IL13RA1: variants seen among roughly 807,000 people sequenced by gnomAD.
The protein encoded by IL13RA1 is interleukin 13 receptor subunit alpha 1, also known as interleukin-13 receptor subunit alpha-1.
Under a neutral mutation model 33.8 loss-of-function variants are expected in IL13RA1, and 14 were observed. That is an observed-to-expected ratio of 0.41 (90% CI 0.27 to 0.65). IL13RA1 has a LOEUF of 0.65. Ranked by LOEUF, IL13RA1 falls within the 30% of genes least tolerant of loss-of-function variation. IL13RA1 has a pLI of 0.28. For synonymous variants in IL13RA1, 116 were observed against 115.7 expected (o/e 1.00, Z -0.02); for missense variants, 313 against 327.0 (o/e 0.96, Z 0.33).
Position 118,741,051 on chromosome X carries a change from T to C in IL13RA1, c.123T>C (p.Ser41=), listed in dbSNP as rs1263069977. Residue 41 remains serine (S), a synonymous_variant, in exon 2 of 11, where the codon TCT becomes TCC. Coordinates refer to ENST00000371666, the MANE Select transcript of IL13RA1 (RefSeq NM_001560.3). ...CACCTGTGACAAATTTGAGTGTCTC[T>C]GTTGAAAACCTCTGCACAGTAATAT... ...TQPPVTNLSV[S]VENLCTVIWT... is the part of the protein sequence containing the mutation. 1 of 1,112,951 alleles carries C rather than the reference T, an allele frequency of 9.0e-7. No individual in the cohort carries two copies. Among genetic ancestry groups the C allele is most frequent in the East Asian group, 3.0e-5 (1 of 33,446 alleles). 91.7% of individuals were successfully genotyped at this position (1,112,951 alleles called of 1,213,427 possible).
intron 10 of IL13RA1, among the ~76,000 whole-genome samples, chrX:118,785,607 A>G (rs1472690901): frequency 3.6e-5 from 4 of 111,393 alleles, no homozygotes; most frequent in African/African-American, 1.3e-4. Context: ...GTCTCACTCC[A>G]TCGCCCAGGC....
chrX:118,763,723 AGGTT>A (rs1218531751), intron 6 of IL13RA1, among the ~76,000 whole-genome samples: 146 of 112,259 alleles, frequency 1.3e-3, no homozygotes, highest in African/African-American at 4.5e-3. Context: ...AACACTTCAA[AGGTT>A]GGTTGGTCTC....
intron 10 of IL13RA1, among the ~76,000 whole-genome samples, chrX:118,785,478 T>G (rs1247877897): frequency 1.8e-5 from 2 of 112,231 alleles, no homozygotes; most frequent in Non-Finnish European, 3.8e-5. Context: ...TTTAATCTAT[T>G]TAAGATCTTA....
chrX:118,783,097 T>A (rs1340817959), intron 10 of IL13RA1, among the ~76,000 whole-genome samples: 2 of 112,136 alleles, frequency 1.8e-5, no homozygotes, highest in Non-Finnish European at 3.8e-5. Context: ...GACAATCCAC[T>A]CTGGAAAATA....
intron 10 of IL13RA1, among the ~76,000 whole-genome samples, chrX:118,784,544 A>G (rs751857207): frequency 3.1e-4 from 35 of 111,491 alleles, no homozygotes; most frequent in Non-Finnish European, 4.5e-4. Context: ...ATAGTTGTTG[A>G]ACATCTCCAT....
At chrX:118,765,757 A>G (rs1182154342) in intron 6 of IL13RA1, among the ~76,000 whole-genome samples, 1 of 112,556 alleles carries the variant, frequency 8.9e-6, no homozygotes, top group African/African-American at 3.2e-5. Context: ...AGTTTACACT[A>G]CTAAGCAGAA....
chrX:118,774,055 A>AT, intron 9 of IL13RA1, 80 bp downstream of exon 9: 1 of 524,933 alleles, frequency 1.9e-6, no homozygotes, highest in Non-Finnish European at 3.4e-6. Flanking sequence ...CTTGTGTTTT[A>AT]TGTCTGCCCA....
chrX:118,798,504 G>T (rs1341035090), downstream of IL13RA1, among the ~76,000 whole-genome samples: 4 of 111,228 alleles, frequency 3.6e-5, no homozygotes, highest in Non-Finnish European at 7.5e-5. Flanking sequence ...ATGAATTTTT[G>T]GGGGGAGACA....
chrX:118,755,828 T>C (rs1358420585), intron 4 of IL13RA1, among the ~76,000 whole-genome samples: 2 of 112,104 alleles, frequency 1.8e-5, no homozygotes, highest in African/African-American at 6.5e-5. Flanking sequence ...TCCAGGACAG[T>C]CTGATCCAAA....
chrX:118,803,624 A>G, the IL13RA1 span, among the ~76,000 whole-genome samples: 1 of 112,024 alleles, frequency 8.9e-6, no homozygotes, highest in East Asian at 2.8e-4. Context: ...TGCTTGAATC[A>G]GGATCCAATA....
At chrX:118,801,975 C>T in the IL13RA1 span, among the ~76,000 whole-genome samples, 1 of 110,760 alleles carries the variant, frequency 9.0e-6, no homozygotes, top group African/African-American at 3.3e-5. Context: ...TTTCTTTTTT[C>T]CACTCTCCCC....
rs543534840 is a variant in IL13RA1 at position 118,763,869 on chromosome X, A to G, written c.828+2580A>G. Reference sequence around the variant, plus strand: ...CTGAACTGAAGAGAACACATACACTATGGAAGTTATCTACCTAAATCAGAA... The same window carrying G: ...CTGAACTGAAGAGAACACATACACTGTGGAAGTTATCTACCTAAATCAGAA... On this transcript the variant is annotated intron_variant, in intron 6 of 10. Transcript: ENST00000371666. 1.9e-4 allele frequency among the ~76,000 whole-genome samples: 21 copies of G among 110,161 alleles called. No homozygotes were observed. The South Asian group carries it at 8.2e-3, about 43-fold the overall frequency.
intron 10 of IL13RA1, among the ~76,000 whole-genome samples, chrX:118,783,347 G>A (rs766777252): frequency 4.6e-4 from 52 of 111,867 alleles, no homozygotes; most frequent in Admixed American, 7.6e-4. Context: ...TGGCAGTAAG[G>A]ATTGAATTTT....
Position 118,749,765 on chromosome X carries a change from ACT to A in IL13RA1, c.480_481del (p.Tyr161LeufsTer13). On this transcript the variant is annotated frameshift_variant, in exon 4 of 11. Coordinates refer to ENST00000371666, the MANE Select transcript of IL13RA1 (RefSeq NM_001560.3). LOFTEE classifies it high-confidence loss of function. ...GAATACCAGTCCCGACACTAACTATACTCTCTACTATTGGTGAGTATGTACAG... is the reference window on the plus strand; with the variant it reads ...GAATACCAGTCCCGACACTAACTATACTCTACTATTGGTGAGTATGTACAG... Reference protein sequence around the residue: ...GRNTSPDTNYTLYYWHRSLEK... With the variant: ...GRNTSPDTNYXLYYWHRSLEK... 8.6e-7 allele frequency: 1 copy of A among 1,162,064 alleles called. No homozygotes were observed. Among genetic ancestry groups the A allele is most frequent in the Non-Finnish European group, 1.2e-6 (1 of 851,212 alleles).
At chrX:118,730,017 A>G (rs750526879) in intron 1 of IL13RA1, among the ~76,000 whole-genome samples, 6 of 112,604 alleles carry the variant, frequency 5.3e-5, no homozygotes, top group Non-Finnish European at 7.5e-5. Context: ...TAATGATACT[A>G]TATTAGGCCG....
At chrX:118,768,754 A>G (rs1341423741) in intron 8 of IL13RA1, among the ~76,000 whole-genome samples, 1 of 111,841 alleles carries the variant, frequency 8.9e-6, no homozygotes, top group Non-Finnish European at 1.9e-5. Flanking sequence ...ATGCAGCTAC[A>G]ACCAAGGAAC....
intron 8 of IL13RA1, among the ~76,000 whole-genome samples, chrX:118,767,692 G>A (rs761100068): frequency 8.9e-6 from 1 of 112,082 alleles, no homozygotes; most frequent in East Asian, 2.8e-4. Flanking sequence ...TAATTGAAAG[G>A]CTGAGCAAGC....
At chrX:118,799,220 T>A (rs926562784), downstream of IL13RA1, among the ~76,000 whole-genome samples, 4 of 113,145 alleles carry the variant, frequency 3.5e-5, no homozygotes, top group Middle Eastern at 4.6e-3. Flanking sequence ...CCTGCAGCCC[T>A]CCATGCCTGA....
At chrX:118,779,186 G>A (rs1275539032) in intron 10 of IL13RA1, among the ~76,000 whole-genome samples, 1 of 111,735 alleles carries the variant, frequency 8.9e-6, no homozygotes, top group African/African-American at 3.3e-5. Flanking sequence ...TGGTGGGCCT[G>A]TAAAATGATA....
Sources: gnomAD v4.1 joint callset for allele counts (sites outside exome capture counted in the v4.1 genomes callset) on GRCh38, gnomAD v4.1.1 for gene constraint, MANE v1.5 for transcripts, NCBI Gene and HGNC (gene_info 2026-07-23, HGNC 2026-07-21) for gene names.